The following THSD7B variants were observed in gnomAD, a reference collection of about 807,000 sequenced individuals.
THSD7B encodes the protein thrombospondin type-1 domain-containing protein 7B.
THSD7B carries 138 observed loss-of-function variants against 213.6 expected under a neutral mutation model. The observed-to-expected ratio is 0.65, with a 90% CI of 0.56 to 0.74. The LOEUF is 0.74. THSD7B is among the 30% of genes least tolerant of loss of function. The pLI, the probability that THSD7B is intolerant of heterozygous loss-of-function variation, is 0.00. For missense variants in THSD7B, 1,931 were observed against 1,991.5 expected (o/e 0.97, Z 0.58); for synonymous variants, 742 against 687.0 (o/e 1.08, Z -1.25).
At chr2:137,639,011 A>ATTT (rs55903155) in intron 20 of THSD7B, among the ~76,000 whole-genome samples, 95 of 147,790 alleles carry the variant, frequency 6.4e-4, no homozygotes, top group Middle Eastern at 3.5e-3. Flanking sequence ...AGAAAAAGCC[A>ATTT]TTTTTTTTTT....
At chr2:137,097,691 T>G (rs1466943250) in intron 4 of THSD7B, among the ~76,000 whole-genome samples, 1 of 151,870 alleles carries the variant, frequency 6.6e-6, no homozygotes, top group East Asian at 1.9e-4. Context: ...CATTAGAGTC[T>G]GAAAATAGAG....
chr2:137,243,626 C>T (rs1222674218), intron 10 of THSD7B, among the ~76,000 whole-genome samples: 1 of 152,222 alleles, frequency 6.6e-6, no homozygotes, highest in African/African-American at 2.4e-5. Flanking sequence ...CCTTCAAATG[C>T]TCTTTGACTC....
At chr2:137,054,169 C>T (rs376892990) in intron 2 of THSD7B, among the ~76,000 whole-genome samples, 3 of 152,280 alleles carry the variant, frequency 2.0e-5, no homozygotes, top group South Asian at 2.1e-4. Context: ...CTAAGATCAC[C>T]GTTTTCAACG....
intron 1 of THSD7B, among the ~76,000 whole-genome samples, chr2:136,831,997 A>G (rs1219178095): frequency 1.3e-5 from 2 of 152,208 alleles, no homozygotes; most frequent in Non-Finnish European, 2.9e-5. Flanking sequence ...TAATTTCATT[A>G]TAAATGTTTT....
At chr2:137,395,227 C>A (rs1478551876) in intron 12 of THSD7B, among the ~76,000 whole-genome samples, 1 of 144,604 alleles carries the variant, frequency 6.9e-6, no homozygotes, top group Non-Finnish European at 1.5e-5. Flanking sequence ...GAGAGGGCAT[C>A]CCTGTCTTTT....
chr2:136,796,215 A>G (rs1682060233), intron 1 of THSD7B, among the ~76,000 whole-genome samples: 2 of 151,900 alleles, frequency 1.3e-5, no homozygotes, highest in Admixed American at 6.6e-5. Flanking sequence ...AAAACACAAG[A>G]CAGGAAATAT....
chr2:137,199,856 A>C (rs1391132568), intron 7 of THSD7B, among the ~76,000 whole-genome samples: 2 of 152,138 alleles, frequency 1.3e-5, no homozygotes, highest in Non-Finnish European at 2.9e-5. Context: ...GAAAATGAAA[A>C]AGCTGAAGAT....
chr2:137,105,273 A>C (rs1189220261), intron 4 of THSD7B, among the ~76,000 whole-genome samples: 1 of 152,224 alleles, frequency 6.6e-6, no homozygotes, highest in Non-Finnish European at 1.5e-5. Flanking sequence ...CAATAAACGT[A>C]ATCCATCACA....
chr2:137,190,814 T>C (rs945767291), intron 7 of THSD7B, among the ~76,000 whole-genome samples: 88 of 152,340 alleles, frequency 5.8e-4, no homozygotes, highest in African/African-American at 2.0e-3. Flanking sequence ...ACCTTTTCCC[T>C]CGTGTGGAGA....
chr2:137,265,176 C>T (rs1210899459), intron 10 of THSD7B, among the ~76,000 whole-genome samples: 1 of 152,144 alleles, frequency 6.6e-6, no homozygotes, highest in Admixed American at 6.5e-5. Context: ...TTTATGGCTG[C>T]ATAGTATTCC....
At chr2:137,640,091 C>T (rs985090487) in intron 20 of THSD7B, among the ~76,000 whole-genome samples, 2 of 152,002 alleles carry the variant, frequency 1.3e-5, no homozygotes, top group Admixed American at 6.6e-5. Context: ...TTGGCTGTGT[C>T]CCCACCCAAA....
At chr2:137,588,516 T>C (rs1681792896) in intron 17 of THSD7B, among the ~76,000 whole-genome samples, 1 of 151,876 alleles carries the variant, frequency 6.6e-6, no homozygotes, top group Non-Finnish European at 1.5e-5. Flanking sequence ...TTTTATCTTG[T>C]GGTTATAGTC....
intron 13 of THSD7B, among the ~76,000 whole-genome samples, chr2:137,410,278 T>C (rs1354245098): frequency 3.3e-5 from 5 of 152,116 alleles, no homozygotes; most frequent in Non-Finnish European, 7.4e-5. Context: ...CTTTTTTTTT[T>C]TCTTTTTTGA....
At chr2:137,675,969 G>A (rs1283923923) in intron 27 of THSD7B, among the ~76,000 whole-genome samples, 1 of 152,200 alleles carries the variant, frequency 6.6e-6, no homozygotes, top group East Asian at 1.9e-4. Context: ...TCCATGAGAA[G>A]GAAAAGCAGC....
At chr2:136,779,216 G>C (rs1681679125) in intron 1 of THSD7B, among the ~76,000 whole-genome samples, 1 of 151,360 alleles carries the variant, frequency 6.6e-6, no homozygotes, top group Non-Finnish European at 1.5e-5. Flanking sequence ...GTGTGTGTGT[G>C]TGTGTGTGTG....
intron 3 of THSD7B, among the ~76,000 whole-genome samples, chr2:137,092,138 C>A (rs1406743563): frequency 6.6e-6 from 1 of 152,104 alleles, no homozygotes; most frequent in African/African-American, 2.4e-5. Flanking sequence ...AATATTGAGG[C>A]TGGGCTCGAT....
chr2:137,567,133 CTATTT>C (rs375165713), intron 16 of THSD7B, among the ~76,000 whole-genome samples: 19,057 of 137,564 alleles, frequency 0.14, 1,332 homozygotes, highest in Middle Eastern at 0.2. Context: ...GTGACATGCT[CTATTT>C]TATTTTATTT....
chr2:136,799,764 A>G (rs1361131981), intron 1 of THSD7B, among the ~76,000 whole-genome samples: 3 of 151,930 alleles, frequency 2.0e-5, no homozygotes, highest in Admixed American at 1.3e-4. Context: ...CACTTTTTCA[A>G]TGGGATCAAC....
intron 3 of THSD7B, among the ~76,000 whole-genome samples, chr2:137,078,468 C>T (rs949816052): frequency 2.0e-5 from 3 of 152,060 alleles, no homozygotes; most frequent in African/African-American, 7.2e-5. Flanking sequence ...TAACCCACAC[C>T]ATTTTTTCTT....
Sources: allele counts gnomAD v4.1 joint callset (sites outside exome capture counted in the v4.1 genomes callset), GRCh38; gene constraint gnomAD v4.1.1; transcripts MANE v1.5; gene names NCBI Gene and HGNC (gene_info 2026-07-23, HGNC 2026-07-21).